ATP11B: variants seen among roughly 807,000 people sequenced by gnomAD.
ATP11B encodes phospholipid-transporting ATPase IF.
A neutral mutation model predicts 157.8 loss-of-function variants in ATP11B; 81 were observed. The ratio of observed to expected loss-of-function variants is 0.51; its 90% CI spans 0.43 to 0.62. The LOEUF is 0.62. ATP11B is among the 20% of genes least tolerant of loss of function. The pLI is 0.00. For synonymous variants in ATP11B, 451 were observed against 469.4 expected (o/e 0.96, Z 0.51); for missense variants, 1,165 against 1,402.2 (o/e 0.83, Z 2.70).
At chr3:182,812,286 A>G (rs1716717630) in intron 1 of ATP11B, among the ~76,000 whole-genome samples, 1 of 152,180 alleles carries the variant, frequency 6.6e-6, no homozygotes, top group Non-Finnish European at 1.5e-5. Flanking sequence ...AGCCATTTTC[A>G]TTGCCAGTTT....
chr3:182,829,871 T>C, intron 4 of ATP11B, 119 bp downstream of exon 4: 1 of 1,422,988 alleles, frequency 7.0e-7, no homozygotes, highest in Non-Finnish European at 9.3e-7. Flanking sequence ...GCAGCAAATT[T>C]GTCTGATACG....
At chr3:182,854,457 C>T (rs529857215) in intron 10 of ATP11B, among the ~76,000 whole-genome samples, 16 of 147,852 alleles carry the variant, frequency 1.1e-4, no homozygotes, top group Admixed American at 2.7e-4. Context: ...GCAACAAGAG[C>T]GAAACTCCAT....
Position 182,872,438 on chromosome 3 carries a change from C to A in ATP11B, c.1949C>A (p.Ala650Asp). The change falls in exon 18 of 30, where the codon GCC (alanine) becomes GAC (aspartate). Residue 650 changes from alanine to aspartate, a missense_variant. Ala to Asp is a moderately radical substitution (Grantham distance 126). Coordinates refer to ENST00000323116, the MANE Select transcript of ATP11B (RefSeq NM_014616.3). ...GAAATAGATAAACGCATATTTGAAG[C>A]CAGGACTGCCTTGCAGCAGCGGGAA... The part of the protein sequence containing the change: ...YEEIDKRIFE[A>D]RTALQQREEK... 6.2e-7 allele frequency: 1 copy of A among 1,613,944 alleles called. No homozygotes were observed. The highest frequency in any genetic ancestry group is 8.5e-7 in the Non-Finnish European group (1 of 1,179,882).
At chr3:182,866,859 TTATA>T (rs1431216713) in intron 14 of ATP11B, among the ~76,000 whole-genome samples, 2 of 139,782 alleles carry the variant, frequency 1.4e-5, no homozygotes, top group Non-Finnish European at 3.2e-5. Context: ...ATAAAAATTA[TTATA>T]TATAACATAT....
At chr3:182,845,253 C>T (rs769688969) in intron 8 of ATP11B, among the ~76,000 whole-genome samples, 3 of 152,082 alleles carry the variant, frequency 2.0e-5, no homozygotes, top group Non-Finnish European at 4.4e-5. Flanking sequence ...GCAATCCACC[C>T]GCCTCAGCTT....
At chr3:182,876,474 C>T (rs1479659812) in intron 19 of ATP11B, among the ~76,000 whole-genome samples, 1 of 152,064 alleles carries the variant, frequency 6.6e-6, no homozygotes, top group Non-Finnish European at 1.5e-5. Context: ...TTAGGCTTGC[C>T]GTCTTAGTCT....
At chr3:182,848,946 G>T (rs181374914) in intron 10 of ATP11B, among the ~76,000 whole-genome samples, 27 of 152,338 alleles carry the variant, frequency 1.8e-4, no homozygotes, top group African/African-American at 3.8e-4. Flanking sequence ...GAAAATTTAA[G>T]AGTATAGCTT....
At chr3:182,885,856 G>A in intron 22 of ATP11B, 95 bp from the exon 23 acceptor site, 1 of 756,526 alleles carries the variant, frequency 1.3e-6, no homozygotes, top group South Asian at 2.2e-5. Flanking sequence ...AACTGAGATT[G>A]TTTTTGGACA....
chr3:182,846,388 G>T lies in ATP11B; in HGVS notation c.769+866G>T, dbSNP rs114298662. 3.2e-3 allele frequency among the ~76,000 whole-genome samples: 482 copies of T among 150,198 alleles called. 2 individuals carry two copies. Among genetic ancestry groups the T allele is most frequent in the African/African-American group, 0.012 (464 of 39,784 alleles). On this transcript the variant is annotated intron_variant, in intron 9 of 29. Coordinates refer to ENST00000323116, the MANE Select transcript of ATP11B (RefSeq NM_014616.3). Reference sequence around the variant, plus strand: ...ATTGCTGATGGGAATGTAAAACGTTGCAGCTGCTGCCTTGAAAAATAGTTT... The same window carrying T: ...ATTGCTGATGGGAATGTAAAACGTTTCAGCTGCTGCCTTGAAAAATAGTTT...
chr3:182,834,780 C>G (rs758412277), intron 4 of ATP11B, among the ~76,000 whole-genome samples: 3 of 152,102 alleles, frequency 2.0e-5, no homozygotes, highest in Admixed American at 6.6e-5. Context: ...CACAATTGAC[C>G]CTTGAACAAT....
At chr3:182,845,207 A>C (rs1034196349) in intron 8 of ATP11B, among the ~76,000 whole-genome samples, 4 of 151,824 alleles carry the variant, frequency 2.6e-5, no homozygotes, top group Admixed American at 6.6e-5. Flanking sequence ...GGGTTTCACC[A>C]TGTTGCCCAG....
At chr3:182,890,526 G>A (rs542596766) in intron 25 of ATP11B, among the ~76,000 whole-genome samples, 2 of 152,236 alleles carry the variant, frequency 1.3e-5, no homozygotes, top group South Asian at 4.1e-4. Context: ...ATACACCGGT[G>A]TAATAAAGGA....
intron 28 of ATP11B, among the ~76,000 whole-genome samples, chr3:182,904,218 G>A (rs1158260008): frequency 6.6e-6 from 1 of 152,166 alleles, no homozygotes; most frequent in African/African-American, 2.4e-5. Context: ...TGGGCCTCCA[G>A]GTTCTTCACC....
chr3:182,859,718 G>T (rs1241774631), intron 12 of ATP11B, among the ~76,000 whole-genome samples: 2 of 151,970 alleles, frequency 1.3e-5, no homozygotes, highest in African/African-American at 4.8e-5. Context: ...ACATTATTAT[G>T]ATTGTTTTAA....
chr3:182,859,459 C>A, intron 12 of ATP11B, 100 bp downstream of exon 12: 1 of 1,008,772 alleles, frequency 9.9e-7, no homozygotes, highest in Non-Finnish European at 1.4e-6. Context: ...ATGCTTATAC[C>A]AAAAACAACC....
At chr3:182,801,569 T>TA (rs1288088752) in intron 1 of ATP11B, among the ~76,000 whole-genome samples, 1 of 152,202 alleles carries the variant, frequency 6.6e-6, no homozygotes, top group Non-Finnish European at 1.5e-5. Flanking sequence ...ACCCAACTTT[T>TA]ACAGTTATCG....
chr3:182,884,713 C>G, intron 21 of ATP11B, 40 bp from the exon 22 acceptor site: 1 of 1,543,862 alleles, frequency 6.5e-7, no homozygotes, highest in Non-Finnish European at 8.7e-7. Flanking sequence ...ATGAAAATTA[C>G]AGTTATCAGT....
intron 1 of ATP11B, among the ~76,000 whole-genome samples, chr3:182,810,150 G>A (rs1046384442): frequency 1.3e-5 from 2 of 152,036 alleles, no homozygotes; most frequent in African/African-American, 2.4e-5. Context: ...TGGCCAACAC[G>A]GTGAAACCCC....
intron 10 of ATP11B, among the ~76,000 whole-genome samples, chr3:182,854,196 G>A (rs113014358): frequency 2.0e-5 from 3 of 152,168 alleles, no homozygotes; most frequent in South Asian, 2.1e-4. Flanking sequence ...AGAGCTGGGC[G>A]CGGTGGCTCA....
Sources: allele counts gnomAD v4.1 joint callset (sites outside exome capture counted in the v4.1 genomes callset), GRCh38; gene constraint gnomAD v4.1.1; transcripts MANE v1.5; gene names NCBI Gene and HGNC (gene_info 2026-07-23, HGNC 2026-07-21).